The following PRSS3 variants were observed in gnomAD, a reference collection of about 807,000 sequenced individuals.
The protein encoded by PRSS3 is serine protease 3.
PRSS3 carries 14 observed loss-of-function variants against 20.8 expected under a neutral mutation model. The observed-to-expected ratio is 0.67, with a 90% CI of 0.44 to 1.05. PRSS3 has a LOEUF of 1.05. PRSS3 is among the 50% of genes least tolerant of loss of function. The pLI is 0.00. For missense variants in PRSS3, 237 were observed against 306.4 expected (o/e 0.77, Z 1.69); for synonymous variants, 91 against 117.6 (o/e 0.77, Z 1.46).
chr9:33,783,626 T>A (rs1563963861), intron 1 of PRSS3, among the ~76,000 whole-genome samples: 3 of 152,234 alleles, frequency 2.0e-5, no homozygotes, highest in Admixed American at 2.0e-4. Flanking sequence ...CAATTCTATG[T>A]ATTTTTTAAT....
intron 1 of PRSS3, among the ~76,000 whole-genome samples, chr9:33,774,021 A>G (rs1823815391): frequency 6.6e-6 from 1 of 152,206 alleles, no homozygotes; most frequent in Non-Finnish European, 1.5e-5. Context: ...TGCACACACC[A>G]GTTGTGTATA....
chr9:33,778,677 A>G (rs2118971692), intron 1 of PRSS3, among the ~76,000 whole-genome samples: 1 of 152,370 alleles, frequency 6.6e-6, no homozygotes, highest in Middle Eastern at 3.4e-3. Flanking sequence ...AGACAGTTTT[A>G]AAATATAGAA....
At chr9:33,781,990 G>A (rs537306989) in intron 1 of PRSS3, among the ~76,000 whole-genome samples, 1 of 152,278 alleles carries the variant, frequency 6.6e-6, no homozygotes, top group Admixed American at 6.5e-5. Flanking sequence ...GGCTGGTCAC[G>A]CCCTTGTGCA....
chr9:33,798,722 C>G (rs1270327124), intron 4 of PRSS3, 100 bp downstream of exon 4: 11 of 1,553,702 alleles, frequency 7.1e-6, no homozygotes, highest in Non-Finnish European at 9.7e-6. Context: ...AGGCGGCTCC[C>G]TGCAGTGCTC....
chr9:33,765,122 AAGTATTCCACTCCTAGGTATAC>A (rs2118840663), intron 1 of PRSS3, among the ~76,000 whole-genome samples: 1 of 152,338 alleles, frequency 6.6e-6, no homozygotes, highest in East Asian at 1.9e-4. Flanking sequence ...CCATCTGACC[AAGTATTCCACTCCTAGGTATAC>A]AGTCATCACC....
chr9:33,796,087 T>C (rs1221905393), intron 1 of PRSS3, among the ~76,000 whole-genome samples: 3 of 152,206 alleles, frequency 2.0e-5, no homozygotes, highest in African/African-American at 4.8e-5. Context: ...TTTCCAGGCA[T>C]GCCGCCAAAG....
At chr9:33,792,436 G>C (rs530424390), upstream of PRSS3, among the ~76,000 whole-genome samples, 5 of 152,254 alleles carry the variant, frequency 3.3e-5, no homozygotes, top group African/African-American at 1.2e-4. Context: ...GTCTGAATAG[G>C]GAAGGTTCTA....
chr9:33,768,060 G>A (rs1482922760), intron 1 of PRSS3, among the ~76,000 whole-genome samples: 2 of 152,208 alleles, frequency 1.3e-5, no homozygotes, highest in Non-Finnish European at 2.9e-5. Flanking sequence ...TACAGATTTG[G>A]GTACCAAGAA....
chr9:33,758,523 T>A (rs2118771280), intron 1 of PRSS3, among the ~76,000 whole-genome samples: 1 of 152,314 alleles, frequency 6.6e-6, no homozygotes, highest in Admixed American at 6.5e-5. Context: ...ATAAGTGCAG[T>A]CTCTCTTAAT....
chr9:33,785,246 T>C (rs706141), intron 1 of PRSS3, among the ~76,000 whole-genome samples: 138,162 of 140,414 alleles, frequency 0.98, 68,017 homozygotes, highest in Non-Finnish European at 1. Flanking sequence ...GGCGCAATCT[T>C]GGCTCACTGC....
chr9:33,777,532 A>AC (rs1823989141), intron 1 of PRSS3, among the ~76,000 whole-genome samples: 1 of 6,336 alleles, frequency 1.6e-4, no homozygotes, highest in Admixed American at 3.8e-3. Context: ...TAAAAATACC[A>AC]AAAAAAAAAA....
intron 1 of PRSS3, among the ~76,000 whole-genome samples, chr9:33,766,108 T>C (rs1039399160): frequency 2.0e-5 from 3 of 150,700 alleles, no homozygotes; most frequent in Non-Finnish European, 4.4e-5. Context: ...CTACTATAAA[T>C]ATAAAAATTA....
intron 1 of PRSS3, among the ~76,000 whole-genome samples, chr9:33,759,340 C>A (rs1352441838): frequency 6.6e-6 from 1 of 152,094 alleles, no homozygotes; most frequent in Non-Finnish European, 1.5e-5. Flanking sequence ...AAGAAGAATT[C>A]ATGGACAGCA....
intron 1 of PRSS3, among the ~76,000 whole-genome samples, chr9:33,754,926 G>A (rs1822872801): frequency 6.6e-6 from 1 of 152,180 alleles, no homozygotes; most frequent in African/African-American, 2.4e-5. Context: ...CTGCCATAGT[G>A]TGTTTTATGA....
intron 1 of PRSS3, among the ~76,000 whole-genome samples, chr9:33,788,163 A>T (rs1316933802): frequency 6.6e-6 from 1 of 152,208 alleles, no homozygotes; most frequent in Non-Finnish European, 1.5e-5. Flanking sequence ...TCAGGATGTT[A>T]CATTCCCAGA....
At chr9:33,766,803 A>G (rs1823456117) in intron 1 of PRSS3, among the ~76,000 whole-genome samples, 2 of 151,938 alleles carry the variant, frequency 1.3e-5, no homozygotes, top group South Asian at 4.2e-4. Flanking sequence ...TGTGTATGGG[A>G]TTTCTTTGGG....
intron 1 of PRSS3, among the ~76,000 whole-genome samples, chr9:33,760,478 G>A (rs1322368360): frequency 1.3e-5 from 2 of 152,090 alleles, no homozygotes; most frequent in Non-Finnish European, 2.9e-5. Flanking sequence ...CGGGTGCGGT[G>A]GCTCACGCCT....
chr9:33,765,988 C>T (rs1430779885), intron 1 of PRSS3, among the ~76,000 whole-genome samples: 1 of 152,180 alleles, frequency 6.6e-6, no homozygotes, highest in South Asian at 2.1e-4. Flanking sequence ...AATGAAGTAG[C>T]CGGGCGTGGT....
intron 1 of PRSS3, among the ~76,000 whole-genome samples, chr9:33,760,498 G>A (rs1416264726): frequency 6.6e-6 from 1 of 152,086 alleles, no homozygotes; most frequent in African/African-American, 2.4e-5. Context: ...TGTAATCCCA[G>A]CACTTTGGGA....
Sources: gnomAD v4.1 joint callset for allele counts (sites outside exome capture counted in the v4.1 genomes callset) on GRCh38, gnomAD v4.1.1 for gene constraint, MANE v1.5 for transcripts, NCBI Gene and HGNC (gene_info 2026-07-23, HGNC 2026-07-21) for gene names.